Variants in RIN2 observed in about 807,000 individuals in gnomAD.
RIN2 encodes RAB5 interacting protein 2.
Under a neutral mutation model 78.0 loss-of-function variants are expected in RIN2, and 36 were observed. That is an observed-to-expected ratio of 0.46 (90% CI 0.35 to 0.61). The LOEUF is 0.61. Ranked by LOEUF, RIN2 falls within the 20% of genes least tolerant of loss-of-function variation. The pLI, the probability that RIN2 is intolerant of heterozygous loss-of-function variation, is 0.00. For synonymous variants in RIN2, 466 were observed against 466.8 expected, an observed-to-expected ratio of 1.00 and a Z score of 0.02; for missense variants, 1,087 against 1,159.7, an observed-to-expected ratio of 0.94 and a Z score of 0.91.
intron 2 of RIN2, among the ~76,000 whole-genome samples, chr20:19,867,515 C>T (rs562167002): frequency 1.1e-4 from 17 of 152,240 alleles, no homozygotes; most frequent in African/African-American, 3.9e-4. Flanking sequence ...TGAAATGTAT[C>T]CTTAGCTTTT....
intron 2 of RIN2, among the ~76,000 whole-genome samples, chr20:19,831,275 AT>A (rs2036244510): frequency 6.6e-6 from 1 of 152,210 alleles, no homozygotes; most frequent in Non-Finnish European, 1.5e-5. Flanking sequence ...TTACATTAAC[AT>A]TTTTTAACCT....
chr20:19,853,996 G>A (rs2037078986), intron 2 of RIN2, among the ~76,000 whole-genome samples: 1 of 152,122 alleles, frequency 6.6e-6, no homozygotes, highest in Admixed American at 6.5e-5. Context: ...TTTCTTCTAG[G>A]GTTTTGATGG....
At chr20:19,920,766 C>G (rs966521272) in intron 3 of RIN2, among the ~76,000 whole-genome samples, 1 of 152,150 alleles carries the variant, frequency 6.6e-6, no homozygotes, top group Non-Finnish European at 1.5e-5. Context: ...AACCTCCACC[C>G]CCCAAGTTCA....
chr20:19,890,254 G>T (rs1269677449), intron 3 of RIN2, among the ~76,000 whole-genome samples: 2 of 152,050 alleles, frequency 1.3e-5, no homozygotes, highest in African/African-American at 4.8e-5. Context: ...CTAGCTTAAT[G>T]AGATAAGATT....
intron 2 of RIN2, among the ~76,000 whole-genome samples, chr20:19,810,683 C>CTTTTTT (rs535994979): frequency 1.0e-5 from 1 of 99,628 alleles, no homozygotes; most frequent in Non-Finnish European, 2.0e-5. Context: ...TTATAAGGTA[C>CTTTTTT]TTTTTTTTTT....
intron 2 of RIN2, among the ~76,000 whole-genome samples, chr20:19,852,079 C>T (rs1250693996): frequency 6.6e-6 from 1 of 152,104 alleles, no homozygotes; most frequent in Admixed American, 6.6e-5. Flanking sequence ...GAGCACAAGC[C>T]CGACCACAGA....
intron 3 of RIN2, among the ~76,000 whole-genome samples, chr20:19,904,240 AAT>A (rs1194516982): frequency 0.018 from 1,672 of 91,660 alleles, 19 homozygotes; most frequent in African/African-American, 0.036. Context: ...TCAAAAAAAA[AAT>A]ATATATATAT....
At chr20:19,840,019 C>A (rs1431355237) in intron 2 of RIN2, among the ~76,000 whole-genome samples, 1 of 152,112 alleles carries the variant, frequency 6.6e-6, no homozygotes, top group Non-Finnish European at 1.5e-5. Context: ...AATTAATATA[C>A]CAAATGATAA....
chr20:19,866,825 A>G (rs1403654754), intron 2 of RIN2, among the ~76,000 whole-genome samples: 1 of 151,932 alleles, frequency 6.6e-6, no homozygotes, highest in Admixed American at 6.6e-5. Flanking sequence ...GGGTTTCACT[A>G]TGTTGACCAG....
intron 2 of RIN2, among the ~76,000 whole-genome samples, chr20:19,871,625 A>C (rs903841624): frequency 1.1e-4 from 16 of 152,110 alleles, no homozygotes; most frequent in Non-Finnish European, 2.4e-4. Context: ...TTTGGCTGGG[A>C]GTTAGGGCAT....
intron 3 of RIN2, among the ~76,000 whole-genome samples, chr20:19,931,594 T>G (rs1381730419): frequency 4.6e-5 from 7 of 152,228 alleles, no homozygotes; most frequent in Non-Finnish European, 8.8e-5. Context: ...ATATGCAATA[T>G]GTAATGAGCA....
intron 2 of RIN2, 79 bp from the exon 3 acceptor site, chr20:19,889,487 T>C: frequency 7.4e-7 from 1 of 1,351,788 alleles, no homozygotes; most frequent in Non-Finnish European, 1.0e-6. Flanking sequence ...TTGGCAGGAC[T>C]GTTGTTGTGA....
intron 2 of RIN2, among the ~76,000 whole-genome samples, chr20:19,844,460 C>T (rs1334092702): frequency 6.6e-6 from 1 of 152,118 alleles, no homozygotes; most frequent in Non-Finnish European, 1.5e-5. Context: ...GTCTTATTGT[C>T]CCAAAGGAAT....
intron 2 of RIN2, among the ~76,000 whole-genome samples, chr20:19,852,495 A>T (rs144595164): frequency 4.6e-5 from 7 of 152,308 alleles, no homozygotes; most frequent in African/African-American, 1.7e-4. Flanking sequence ...TTTGCTTATG[A>T]ACATGGAGAG....
chr20:19,799,986 T>A (rs963247722), intron 2 of RIN2, among the ~76,000 whole-genome samples: 1 of 152,144 alleles, frequency 6.6e-6, no homozygotes, highest in African/African-American at 2.4e-5. Context: ...CCCACGAGCA[T>A]AAAGGGAAAC....
chr20:19,883,150 G>C (rs2038077475), intron 2 of RIN2, among the ~76,000 whole-genome samples: 1 of 152,138 alleles, frequency 6.6e-6, no homozygotes, highest in Non-Finnish European at 1.5e-5. Context: ...CAAGTGAGTT[G>C]AGTCCATCAG....
At chr20:19,979,033 T>A (rs2042368356) in intron 9 of RIN2, among the ~76,000 whole-genome samples, 1 of 152,252 alleles carries the variant, frequency 6.6e-6, no homozygotes, top group Admixed American at 6.5e-5. Flanking sequence ...TTTAGTCTTT[T>A]TCAACCCATG....
intron 3 of RIN2, among the ~76,000 whole-genome samples, chr20:19,908,203 G>A (rs1009943282): frequency 2.0e-5 from 3 of 152,110 alleles, no homozygotes; most frequent in Non-Finnish European, 2.9e-5. Context: ...TTCAGAGTTT[G>A]GACATCGGCC....
intron 2 of RIN2, among the ~76,000 whole-genome samples, chr20:19,867,256 A>C (rs1425078514): frequency 2.6e-5 from 4 of 152,194 alleles, no homozygotes; most frequent in Non-Finnish European, 4.4e-5. Flanking sequence ...TGCATGAGTC[A>C]CGCCTCTTTA....
Sources: gnomAD v4.1 joint callset for allele counts (sites outside exome capture counted in the v4.1 genomes callset) on GRCh38, gnomAD v4.1.1 for gene constraint, MANE v1.5 for transcripts, NCBI Gene and HGNC (gene_info 2026-07-23, HGNC 2026-07-21) for gene names.